The following LINGO2 variants were observed in gnomAD, a reference collection of about 807,000 sequenced individuals.
LINGO2 encodes leucine rich repeat and Ig domain containing 2.
LINGO2 carries 14 observed loss-of-function variants against 30.6 expected under a neutral mutation model. The observed-to-expected ratio is 0.46, with a 90% CI of 0.30 to 0.72. LINGO2 has a LOEUF of 0.72. Among genes scored for constraint, LINGO2 ranks in the 30% least tolerant of loss-of-function variants. The pLI is 0.07. For synonymous variants in LINGO2, 317 were observed against 288.5 expected (o/e 1.10, Z -1.00); for missense variants, 729 against 751.7 (o/e 0.97, Z 0.35).
At chr9:28,117,936 T>C (rs1382487155) in intron 4 of LINGO2, among the ~76,000 whole-genome samples, 1 of 152,106 alleles carries the variant, frequency 6.6e-6, no homozygotes, top group Non-Finnish European at 1.5e-5. Flanking sequence ...AATAAAGGCA[T>C]GAAGTGTAAA....
the LINGO2 span, among the ~76,000 whole-genome samples, chr9:29,084,743 C>T: frequency 6.6e-6 from 1 of 151,878 alleles, no homozygotes; most frequent in African/African-American, 2.4e-5. Flanking sequence ...CTCTGAACAC[C>T]TCTCTTCTGT....
At chr9:29,189,819 G>C in the LINGO2 span, among the ~76,000 whole-genome samples, 3 of 152,006 alleles carry the variant, frequency 2.0e-5, no homozygotes, top group Admixed American at 1.3e-4. Context: ...AGACCAGCCC[G>C]GCCAACACAG....
At chr9:28,422,522 G>GT (rs1249720929) in intron 2 of LINGO2, among the ~76,000 whole-genome samples, 1 of 151,974 alleles carries the variant, frequency 6.6e-6, no homozygotes, top group African/African-American at 2.4e-5. Flanking sequence ...GCAGAAAATA[G>GT]TAAGTGTTTC....
chr9:28,915,093 T>G, the LINGO2 span, among the ~76,000 whole-genome samples: 1 of 152,020 alleles, frequency 6.6e-6, no homozygotes, highest in African/African-American at 2.4e-5. Flanking sequence ...GATCATGCCA[T>G]TGCACTCCAG....
chr9:28,546,929 C>A (rs542524529), intron 1 of LINGO2, among the ~76,000 whole-genome samples: 19 of 152,174 alleles, frequency 1.2e-4, no homozygotes, highest in East Asian at 3.9e-4. Context: ...GTCTTTTAAC[C>A]TTTCCCCTAA....
intron 4 of LINGO2, among the ~76,000 whole-genome samples, chr9:28,164,328 T>A (rs1020179648): frequency 1.3e-5 from 2 of 152,186 alleles, no homozygotes; most frequent in Admixed American, 1.3e-4. Context: ...TTATAACAAC[T>A]ATATTAACAA....
chr9:29,137,729 T>A, the LINGO2 span, among the ~76,000 whole-genome samples: 1 of 152,146 alleles, frequency 6.6e-6, no homozygotes, highest in East Asian at 1.9e-4. Context: ...AATCTCCCTC[T>A]AATAGTGGGA....
the LINGO2 span, among the ~76,000 whole-genome samples, chr9:29,179,009 G>A: frequency 1.3e-5 from 2 of 151,482 alleles, no homozygotes; most frequent in Admixed American, 6.6e-5. Context: ...GAAGGCTTCT[G>A]TGGCTAGACT....
At chr9:28,184,870 C>T (rs1249037771) in intron 4 of LINGO2, among the ~76,000 whole-genome samples, 2 of 152,090 alleles carry the variant, frequency 1.3e-5, no homozygotes, top group East Asian at 3.8e-4. Context: ...GCCAAATATT[C>T]AGTACAAATT....
chr9:28,465,719 G>A (rs2135143555), intron 2 of LINGO2, among the ~76,000 whole-genome samples: 1 of 152,218 alleles, frequency 6.6e-6, no homozygotes, highest in South Asian at 2.1e-4. Flanking sequence ...CTTCTGAAAA[G>A]GGATTAATAA....
chr9:29,185,167 C>T, the LINGO2 span, among the ~76,000 whole-genome samples: 22 of 152,134 alleles, frequency 1.4e-4, no homozygotes, highest in Admixed American at 4.6e-4. Context: ...TCTCATTTAC[C>T]TCTAGGGTAA....
the LINGO2 span, among the ~76,000 whole-genome samples, chr9:28,802,018 T>C: frequency 5.9e-5 from 9 of 151,822 alleles, no homozygotes; most frequent in Non-Finnish European, 1.5e-5. Flanking sequence ...GATACATTTA[T>C]ATTATAACAA....
chr9:28,549,669 C>T (rs2135495940), intron 1 of LINGO2, among the ~76,000 whole-genome samples: 1 of 151,732 alleles, frequency 6.6e-6, no homozygotes, highest in African/African-American at 2.4e-5. Flanking sequence ...ATAGTAGTAT[C>T]TTTTTAAATG....
chr9:28,618,174 T>A (rs928512205), intron 1 of LINGO2, among the ~76,000 whole-genome samples: 3 of 152,128 alleles, frequency 2.0e-5, no homozygotes, highest in African/African-American at 7.2e-5. Flanking sequence ...ATTTCCAAAT[T>A]CACAAGGCTA....
rs1207863158 is a variant in LINGO2 at position 28,636,216 on chromosome 9, T to G, written c.-365+33984A>C. The stretch of plus-strand genomic sequence containing the variant: ...TATATGCCACATTTTCTTAATCCAG[T>G]CTATCGTTGATGGACATTTGGGTTG... On this transcript the variant is annotated intron_variant, in intron 1 of 5. Coordinates refer to ENST00000379992, the Ensembl canonical transcript of LINGO2. Among the ~76,000 whole-genome samples the G allele has an allele frequency of 1.3e-5, 2 of 152,220 alleles. 1 individual carries two copies. The highest frequency in any genetic ancestry group is 2.9e-5 in the Non-Finnish European group (2 of 68,038).
At chr9:28,879,431 C>T in the LINGO2 span, among the ~76,000 whole-genome samples, 1 of 152,058 alleles carries the variant, frequency 6.6e-6, no homozygotes, top group African/African-American at 2.4e-5. Flanking sequence ...AATAAGAAAC[C>T]TTCCCAAATG....
chr9:28,057,280 G>GTT (rs546040398), intron 4 of LINGO2, among the ~76,000 whole-genome samples: 36 of 145,482 alleles, frequency 2.5e-4, no homozygotes, highest in African/African-American at 3.8e-4. Context: ...CAAAAGTAAA[G>GTT]TTTTTTTTTT....
chr9:29,178,932 G>A, the LINGO2 span, among the ~76,000 whole-genome samples: 2 of 151,756 alleles, frequency 1.3e-5, no homozygotes, highest in Admixed American at 1.3e-4. Flanking sequence ...TTTCAGGCTA[G>A]ACTGGGCAAC....
At chr9:28,000,380 A>AG (rs11451860) in intron 5 of LINGO2, among the ~76,000 whole-genome samples, 11,991 of 152,188 alleles carry the variant, frequency 0.079, 1,556 homozygotes, top group African/African-American at 0.27. Context: ...AAGAAGGAGG[A>AG]GAAAAAAAGG....
Sources: allele counts gnomAD v4.1 joint callset (sites outside exome capture counted in the v4.1 genomes callset), GRCh38; gene constraint gnomAD v4.1.1; transcripts MANE v1.5; gene names NCBI Gene and HGNC (gene_info 2026-07-23, HGNC 2026-07-21).